CORIN: variants seen among roughly 807,000 people sequenced by gnomAD.
CORIN encodes corin, serine peptidase.
A neutral mutation model predicts 125.3 loss-of-function variants in CORIN; 117 were observed. That is an observed-to-expected ratio of 0.93 (90% CI 0.80 to 1.09). CORIN has a LOEUF of 1.09. Among genes scored for constraint, CORIN ranks in the 50% least tolerant of loss-of-function variants. The pLI is 0.00. For missense variants in CORIN, 1,253 were observed against 1,306.7 expected, an observed-to-expected ratio of 0.96 and a Z score of 0.63; for synonymous variants, 450 against 466.4, an observed-to-expected ratio of 0.96 and a Z score of 0.45.
intron 3 of CORIN, among the ~76,000 whole-genome samples, chr4:47,768,517 T>C (rs565499672): frequency 6.6e-6 from 1 of 152,224 alleles, no homozygotes; most frequent in African/African-American, 2.4e-5. Flanking sequence ...ACAAGGACAC[T>C]ACAAGAGAAG....
chr4:47,667,815 T>C (rs1724551005), intron 10 of CORIN, among the ~76,000 whole-genome samples: 1 of 152,176 alleles, frequency 6.6e-6, no homozygotes, highest in African/African-American at 2.4e-5. Context: ...GTTTATCCTT[T>C]CCTGTGATTT....
At chr4:47,800,510 G>C (rs1489700492) in intron 2 of CORIN, among the ~76,000 whole-genome samples, 1 of 152,122 alleles carries the variant, frequency 6.6e-6, no homozygotes, top group African/African-American at 2.4e-5. Context: ...GCTCCTACCA[G>C]ACAGATCTGT....
chr4:47,646,043 C>CA (rs1165408037), intron 13 of CORIN, among the ~76,000 whole-genome samples: 16,397 of 98,330 alleles, frequency 0.17, 1,644 homozygotes, highest in South Asian at 0.27. Context: ...CCACCTGTCT[C>CA]AAAAAAAAAA....
At chr4:47,648,547 AC>A (rs527987233) in intron 13 of CORIN, among the ~76,000 whole-genome samples, 2 of 151,500 alleles carry the variant, frequency 1.3e-5, no homozygotes, top group East Asian at 1.9e-4. Context: ...CAGAGGCAGT[AC>A]CCCCCCACCC....
intron 5 of CORIN, among the ~76,000 whole-genome samples, chr4:47,709,248 G>A (rs1341662210): frequency 1.3e-5 from 2 of 151,952 alleles, no homozygotes; most frequent in Non-Finnish European, 2.9e-5. Flanking sequence ...CTTCAGCCAG[G>A]GCTGGCTACA....
intron 14 of CORIN, among the ~76,000 whole-genome samples, 161 bp downstream of exon 14, chr4:47,644,920 C>T (rs767133905): frequency 2.6e-5 from 4 of 152,058 alleles, no homozygotes; most frequent in Non-Finnish European, 5.9e-5. Flanking sequence ...ATTTAGTTGG[C>T]TTCTTAGAAT....
chr4:47,611,716 T>C (rs1721877688), intron 19 of CORIN, among the ~76,000 whole-genome samples: 2 of 152,220 alleles, frequency 1.3e-5, no homozygotes, highest in Admixed American at 1.3e-4. Context: ...TGCTGCATGA[T>C]ATTGGCTGTG....
Position 47,595,907 on chromosome 4 carries a change from C to CA in CORIN, c.2947-5dup. The stretch of plus-strand genomic sequence containing the variant: ...CAAGAGGCCCACCGCTGTCACCCTG[C>CA]AATAAGTAACGATGGGAGTTAGGAA... On this transcript the variant is annotated splice_region_variant and splice_polypyrimidine_tract_variant and intron_variant, in intron 21 of 21. Coordinates refer to ENST00000273857, the MANE Select transcript of CORIN (RefSeq NM_006587.4). The CA allele has an allele frequency of 6.2e-7, 1 of 1,605,112 alleles. No homozygotes were observed. Among genetic ancestry groups the CA allele is most frequent in the Non-Finnish European group, 8.5e-7 (1 of 1,176,856 alleles).
chr4:47,781,462 T>C (rs901828582), intron 3 of CORIN, among the ~76,000 whole-genome samples: 7 of 152,238 alleles, frequency 4.6e-5, no homozygotes, highest in African/African-American at 1.4e-4. Context: ...GGGTTTGTAT[T>C]AGATGGTTTG....
At chr4:47,719,829 G>A (rs913492481) in intron 5 of CORIN, among the ~76,000 whole-genome samples, 1 of 151,990 alleles carries the variant, frequency 6.6e-6, no homozygotes, top group African/African-American at 2.4e-5. Context: ...CCACTCACTG[G>A]GCATGTTAGG....
At chr4:47,768,420 C>T (rs1729865835) in intron 3 of CORIN, among the ~76,000 whole-genome samples, 1 of 152,130 alleles carries the variant, frequency 6.6e-6, no homozygotes, top group Non-Finnish European at 1.5e-5. Flanking sequence ...ATATCAATTC[C>T]TCTCAAACTC....
chr4:47,808,908 TCA>T (rs890127057), intron 1 of CORIN, among the ~76,000 whole-genome samples: 1 of 152,168 alleles, frequency 6.6e-6, no homozygotes, highest in Admixed American at 6.5e-5. Flanking sequence ...TCTCAAAAGC[TCA>T]CAGTCTTGTA....
chr4:47,789,128 C>T (rs1459759382), intron 2 of CORIN, among the ~76,000 whole-genome samples: 3 of 151,818 alleles, frequency 2.0e-5, no homozygotes, highest in Non-Finnish European at 4.4e-5. Context: ...CGTGAAACCC[C>T]GTCTCTACTA....
chr4:47,780,380 C>T (rs566463660), intron 3 of CORIN, among the ~76,000 whole-genome samples: 123 of 151,672 alleles, frequency 8.1e-4, no homozygotes, highest in African/African-American at 2.9e-3. Flanking sequence ...ACTTCAATTA[C>T]AAATAACATA....
intron 2 of CORIN, among the ~76,000 whole-genome samples, chr4:47,801,064 G>A (rs1731521103): frequency 6.6e-6 from 1 of 152,086 alleles, no homozygotes; most frequent in South Asian, 2.1e-4. Context: ...CCAATGACTT[G>A]GAAGTTAAAT....
chr4:47,760,461 T>C (rs966089659), intron 4 of CORIN, among the ~76,000 whole-genome samples: 4 of 152,232 alleles, frequency 2.6e-5, no homozygotes, highest in African/African-American at 9.6e-5. Context: ...ACCAGTTTGA[T>C]GTAAAGGCAT....
intron 2 of CORIN, among the ~76,000 whole-genome samples, chr4:47,790,053 T>C (rs148327751): frequency 4.2e-4 from 64 of 152,280 alleles, no homozygotes; most frequent in African/African-American, 1.5e-3. Context: ...CTAAGAGATA[T>C]TAGCCCAAAG....
Position 47,595,274 on chromosome 4 carries a change from A to G in CORIN, c.*447T>C, listed in dbSNP as rs1721207970. 1 of 152,480 alleles carries G rather than the reference A, an allele frequency of 6.6e-6. No homozygotes were observed. Among genetic ancestry groups the G allele is most frequent in the Non-Finnish European group, 1.5e-5 (1 of 68,226 alleles). The allele number at this position is 152,480 out of a possible 1,614,324, so 9.4% of individuals were successfully genotyped here. ...AAAAGAAAAAGAAAAGCAAGTCTCC[A>G]ATGTTAACACTGAAATTTACCACTA... On this transcript the variant is annotated 3_prime_UTR_variant, in exon 22 of 22. Transcript: ENST00000273857.
intron 10 of CORIN, among the ~76,000 whole-genome samples, chr4:47,673,352 G>A (rs1400646516): frequency 2.6e-5 from 4 of 151,250 alleles, no homozygotes; most frequent in African/African-American, 9.7e-5. Flanking sequence ...CTCCAGCCTG[G>A]GTGACAGAGC....
Sources: gnomAD v4.1 joint callset for allele counts (sites outside exome capture counted in the v4.1 genomes callset) on GRCh38, gnomAD v4.1.1 for gene constraint, MANE v1.5 for transcripts, NCBI Gene and HGNC (gene_info 2026-07-23, HGNC 2026-07-21) for gene names.